Variants in PPP1R12A observed in about 807,000 individuals in gnomAD.
The protein encoded by PPP1R12A is myosin binding subunit.
In PPP1R12A, 19 loss-of-function variants were observed where a neutral mutation model predicts 139.6. The ratio of observed to expected loss-of-function variants is 0.14; its 90% CI spans 0.09 to 0.20. PPP1R12A has a LOEUF of 0.20. PPP1R12A is among the 10% of genes least tolerant of loss of function. The pLI is 1.00. For missense variants in PPP1R12A, 925 were observed against 1,211.5 expected (o/e 0.76, Z 3.51); for synonymous variants, 427 against 420.6 (o/e 1.02, Z -0.19).
At chr12:79,926,318 T>C (rs935535399) in intron 1 of PPP1R12A, among the ~76,000 whole-genome samples, 16 of 152,312 alleles carry the variant, frequency 1.1e-4, no homozygotes, top group South Asian at 6.2e-4. Flanking sequence ...CCTGAGTAGC[T>C]GGGATTACAG....
intron 1 of PPP1R12A, among the ~76,000 whole-genome samples, chr12:79,897,032 G>A (rs1205217192): frequency 1.3e-5 from 2 of 152,170 alleles, no homozygotes; most frequent in African/African-American, 2.4e-5. Flanking sequence ...CCATTGCTGG[G>A]TCTATACCCC....
intron 24 of PPP1R12A, 132 bp downstream of exon 24, chr12:79,778,418 C>T: frequency 1.9e-6 from 1 of 538,148 alleles, no homozygotes; most frequent in Non-Finnish European, 2.8e-6. Flanking sequence ...GAAAGAGAAG[C>T]ACCAGATATA....
chr12:79,863,335 T>C (rs1355436519), intron 2 of PPP1R12A, among the ~76,000 whole-genome samples: 1 of 151,950 alleles, frequency 6.6e-6, no homozygotes, highest in Non-Finnish European at 1.5e-5. Flanking sequence ...CATGGAAAGG[T>C]ACAACTGGTA....
chr12:79,797,486 C>G (rs985818847), intron 15 of PPP1R12A, 91 bp from the exon 16 acceptor site: 1 of 1,204,352 alleles, frequency 8.3e-7, no homozygotes, highest in Non-Finnish European at 1.1e-6. Flanking sequence ...CATACAAATG[C>G]ATTAAAAGTC....
intron 1 of PPP1R12A, among the ~76,000 whole-genome samples, chr12:79,921,138 G>A (rs1887404200): frequency 1.3e-5 from 2 of 152,088 alleles, no homozygotes; most frequent in Non-Finnish European, 1.5e-5. Flanking sequence ...TTTAATATAT[G>A]TTAAATGAAT....
upstream of PPP1R12A, chr12:79,935,268 A>G (rs538628984): frequency 9.3e-5 from 102 of 1,099,984 alleles, no homozygotes; most frequent in African/African-American, 1.6e-3. Flanking sequence ...CGCCCCAGGA[A>G]GAGCGCTCCC....
intron 3 of PPP1R12A, among the ~76,000 whole-genome samples, chr12:79,844,134 G>A (rs1879111463): frequency 2.6e-5 from 4 of 152,032 alleles, no homozygotes; most frequent in African/African-American, 9.7e-5. Context: ...GAGGAGTGGT[G>A]TAACCATCAC....
intron 3 of PPP1R12A, among the ~76,000 whole-genome samples, chr12:79,839,038 G>A (rs1878407611): frequency 6.6e-6 from 1 of 152,190 alleles, no homozygotes; most frequent in East Asian, 1.9e-4. Flanking sequence ...GCCAGGAGTG[G>A]GGCTGTACCC....
At position 79,934,973 on chromosome 12, in the gene PPP1R12A, A is replaced by AG. The variant is rs1565825513; in HGVS notation, c.-43dup. ...GGGTCTTCTTATCGCGAGGGGGGGAAGGGGGAGGCGGAGAGGGAAGAGAGG... is the reference window on the plus strand; with the variant it reads ...GGGTCTTCTTATCGCGAGGGGGGGAAGGGGGGAGGCGGAGAGGGAAGAGAGG... On this transcript the variant is annotated 5_prime_UTR_variant, in exon 1 of 25. Coordinates refer to ENST00000450142, the MANE Select transcript of PPP1R12A (RefSeq NM_002480.3). 2 of 1,541,654 alleles carry AG rather than the reference A, an allele frequency of 1.3e-6. No individual in the cohort carries two copies. Among genetic ancestry groups the AG allele is most frequent in the Admixed American group, 3.9e-5 (2 of 51,250 alleles).
intron 18 of PPP1R12A, 111 bp from the exon 19 acceptor site, chr12:79,794,039 A>C (rs1244412475): frequency 1.4e-6 from 1 of 722,200 alleles, no homozygotes; most frequent in African/African-American, 1.8e-5. Flanking sequence ...ACATTGAGAC[A>C]TTTGTAGATA....
chr12:79,930,150 A>G (rs146146131), intron 1 of PPP1R12A, among the ~76,000 whole-genome samples: 63 of 152,320 alleles, frequency 4.1e-4, no homozygotes, highest in African/African-American at 1.5e-3. Context: ...CCCAGAAAAG[A>G]GAATGTGAAT....
intron 23 of PPP1R12A, chr12:79,780,768 TA>T (rs1296036536): frequency 2.0e-5 from 3 of 152,162 alleles, no homozygotes; most frequent in East Asian, 3.8e-4. Context: ...ATTAAAACAA[TA>T]TTTTAGCAAT....
In PPP1R12A at chr12:79,827,823, G is replaced by T. The variant is rs116715821; in HGVS notation, c.792+497C>A. Among the ~76,000 whole-genome samples, 1,301 of 152,002 alleles carry T rather than the reference G, an allele frequency of 8.6e-3. 18 individuals carry two copies. The highest frequency in any genetic ancestry group is 0.029 in the African/African-American group (1,201 of 41,480). On this transcript the variant is annotated intron_variant, in intron 5 of 24. Coordinates refer to ENST00000450142, the MANE Select transcript of PPP1R12A (RefSeq NM_002480.3). ...TGTTGCATCTCAATGATCCCCTTTG[G>T]CATAAAACTTTATAGTTATATTTAC... is the stretch of plus-strand genomic sequence containing the variant.
In PPP1R12A at chr12:79,781,798, A is replaced by G. The variant is rs917784701; in HGVS notation, c.2955+17T>C. 9 of 1,436,846 alleles carry G rather than the reference A, an allele frequency of 6.3e-6. No individual in the cohort carries two copies. In the African/African-American group the frequency reaches 1.2e-4, roughly 18 times the overall value. 89.0% of individuals were successfully genotyped at this position (1,436,846 alleles called of 1,614,324 possible). A position where few individuals can be genotyped will look rare whatever the true frequency, so the allele number is the denominator to read the frequency against. ...CAAGAAAGAAAAAAATAATTATTTAATAAGTGGGACACTTACCCTTTTTTC... is the reference window on the plus strand; with the variant it reads ...CAAGAAAGAAAAAAATAATTATTTAGTAAGTGGGACACTTACCCTTTTTTC... On this transcript the variant is annotated intron_variant, in intron 23 of 24. Transcript: ENST00000450142.
At chr12:79,835,803 T>C (rs935338183) in intron 3 of PPP1R12A, among the ~76,000 whole-genome samples, 2 of 152,194 alleles carry the variant, frequency 1.3e-5, no homozygotes, top group African/African-American at 2.4e-5. Flanking sequence ...TCATCTAGTG[T>C]TCTAACCATC....
intron 2 of PPP1R12A, among the ~76,000 whole-genome samples, chr12:79,865,201 G>C (rs781046402): frequency 3.3e-5 from 5 of 152,096 alleles, no homozygotes; most frequent in Non-Finnish European, 7.3e-5. Context: ...CACATAAACA[G>C]AACCAACAAC....
At chr12:79,806,059 A>T in intron 13 of PPP1R12A, 107 bp downstream of exon 13, 5 of 1,373,462 alleles carry the variant, frequency 3.6e-6, no homozygotes, top group Non-Finnish European at 4.9e-6. Flanking sequence ...AAATAAATTT[A>T]ACAAGATAAA....
intron 1 of PPP1R12A, among the ~76,000 whole-genome samples, chr12:79,911,748 T>C (rs1284562550): frequency 1.2e-4 from 19 of 152,128 alleles, no homozygotes; most frequent in Non-Finnish European, 2.5e-4. Context: ...TGAAAAGCCA[T>C]CTGAGAAAGA....
chr12:79,778,172 AC>A (rs1194523164), intron 24 of PPP1R12A, among the ~76,000 whole-genome samples: 1 of 152,000 alleles, frequency 6.6e-6, no homozygotes, highest in Non-Finnish European at 1.5e-5. Context: ...CCCCTCCACT[AC>A]TTACTCGCCA....
Sources: allele counts gnomAD v4.1 joint callset (sites outside exome capture counted in the v4.1 genomes callset), GRCh38; gene constraint gnomAD v4.1.1; transcripts MANE v1.5; gene names NCBI Gene and HGNC (gene_info 2026-07-23, HGNC 2026-07-21).